The following FMNL2 variants were observed in gnomAD, a reference collection of about 807,000 sequenced individuals.
FMNL2 encodes the protein formin-like protein 2.
FMNL2 carries 51 observed loss-of-function variants against 130.2 expected under a neutral mutation model. The ratio of observed to expected loss-of-function variants is 0.39; its 90% confidence interval spans 0.31 to 0.49. The LOEUF is 0.49. FMNL2 is among the 20% of genes least tolerant of loss of function. FMNL2 has a pLI of 0.85. For missense variants in FMNL2, 977 were observed against 1,316.2 expected (o/e 0.74, Z 3.99); for synonymous variants, 465 against 467.1 (o/e 1.00, Z 0.06).
At chr2:152,568,544 C>T (rs558442723) in intron 6 of FMNL2, among the ~76,000 whole-genome samples, 1 of 152,236 alleles carries the variant, frequency 6.6e-6, no homozygotes, top group South Asian at 2.1e-4. Flanking sequence ...CCTGTTGTCA[C>T]ACTGCTATAA....
chr2:152,533,884 T>A (rs1474368254), intron 2 of FMNL2, among the ~76,000 whole-genome samples: 2 of 152,222 alleles, frequency 1.3e-5, no homozygotes, highest in African/African-American at 4.8e-5. Context: ...GATATATTTT[T>A]AAAATGTTTC....
intron 8 of FMNL2, among the ~76,000 whole-genome samples, chr2:152,579,228 C>T (rs895891968): frequency 2.0e-5 from 3 of 152,158 alleles, no homozygotes; most frequent in African/African-American, 4.8e-5. Context: ...TTTCCAGCAT[C>T]CTTGCTGCTA....
At chr2:152,597,661 C>T (rs1347394382) in intron 9 of FMNL2, among the ~76,000 whole-genome samples, 1 of 152,196 alleles carries the variant, frequency 6.6e-6, no homozygotes, top group African/African-American at 2.4e-5. Flanking sequence ...CCAGTGCCAA[C>T]TGCCAACTCT....
chr2:152,453,582 A>G (rs1164015401), intron 1 of FMNL2, among the ~76,000 whole-genome samples: 2 of 152,204 alleles, frequency 1.3e-5, no homozygotes, highest in Non-Finnish European at 2.9e-5. Context: ...AGGGAGAAAC[A>G]AAAGGAGTTC....
intron 9 of FMNL2, among the ~76,000 whole-genome samples, chr2:152,599,494 CT>C (rs1301239317): frequency 7.9e-6 from 1 of 126,220 alleles, no homozygotes; most frequent in Admixed American, 1.0e-4. Flanking sequence ...ATGAGTCGTC[CT>C]TTGGGGATTT....
intron 1 of FMNL2, among the ~76,000 whole-genome samples, chr2:152,432,085 A>G (rs1451537206): frequency 2.6e-5 from 4 of 151,798 alleles, no homozygotes; most frequent in Admixed American, 6.6e-5. Flanking sequence ...TACACATACA[A>G]TTTTATGAAA....
chr2:152,453,831 A>G (rs1478196581), intron 1 of FMNL2, among the ~76,000 whole-genome samples: 8 of 152,232 alleles, frequency 5.3e-5, no homozygotes, highest in Non-Finnish European at 1.2e-4. Flanking sequence ...TGGAAACAAT[A>G]CATGCCCCAA....
chr2:152,478,813 G>A (rs1277660231), intron 1 of FMNL2, among the ~76,000 whole-genome samples: 2 of 152,008 alleles, frequency 1.3e-5, no homozygotes, highest in Non-Finnish European at 2.9e-5. Flanking sequence ...ACAAAGATGA[G>A]TTTTACTAAA....
intron 2 of FMNL2, among the ~76,000 whole-genome samples, chr2:152,525,345 G>T (rs980853722): frequency 6.6e-6 from 1 of 152,188 alleles, no homozygotes; most frequent in African/African-American, 2.4e-5. Context: ...AAGAATTCAG[G>T]ACATTGGAGA....
chr2:152,427,132 T>G (rs1687241097), intron 1 of FMNL2, among the ~76,000 whole-genome samples: 1 of 152,202 alleles, frequency 6.6e-6, no homozygotes, highest in Non-Finnish European at 1.5e-5. Flanking sequence ...TCATTCTGAT[T>G]AGGTCCCAAA....
chr2:152,384,718 A>G (rs1484091569), intron 1 of FMNL2, among the ~76,000 whole-genome samples: 3 of 152,122 alleles, frequency 2.0e-5, no homozygotes, highest in African/African-American at 7.2e-5. Context: ...GGAAGCTTGT[A>G]TCTGAATTTT....
chr2:152,640,458 G>A (rs922012245), intron 24 of FMNL2, among the ~76,000 whole-genome samples: 1 of 152,194 alleles, frequency 6.6e-6, no homozygotes, highest in African/African-American at 2.4e-5. Flanking sequence ...TCGTTAGTAG[G>A]TAAAGAGCAT....
At chr2:152,353,558 T>C (rs1682622183) in intron 1 of FMNL2, among the ~76,000 whole-genome samples, 1 of 152,210 alleles carries the variant, frequency 6.6e-6, no homozygotes, top group Non-Finnish European at 1.5e-5. Context: ...GTTTATGATC[T>C]TGGACTTTGG....
In FMNL2 at chr2:152,619,109, GC is replaced by G. The variant is rs1451682349; in HGVS notation, c.1583del (p.Pro528LeufsTer21). 1 of 1,602,740 alleles carries G rather than the reference GC, an allele frequency of 6.2e-7. No individual in the cohort carries two copies. The highest frequency in any genetic ancestry group is 8.5e-7 in the Non-Finnish European group (1 of 1,173,042). On this transcript the variant is annotated frameshift_variant, in exon 14 of 26. Coordinates refer to ENST00000288670, the MANE Select transcript of FMNL2 (RefSeq NM_052905.4). LOFTEE classifies it high-confidence loss of function. ...TGGGGGCCGCTTCCTCAGGACCCTT[GC>G]CCCCTCCTCCACCACCACTGCCTCC... ...TMGAASSGPL[P>X]PPPPPLPPSS...
intron 1 of FMNL2, among the ~76,000 whole-genome samples, chr2:152,379,221 A>G (rs903827331): frequency 6.6e-6 from 1 of 152,128 alleles, no homozygotes; most frequent in Non-Finnish European, 1.5e-5. Flanking sequence ...GTCAGAAGCC[A>G]CTTTCCTGCT....
chr2:152,591,552 T>C (rs1275030230), intron 9 of FMNL2, among the ~76,000 whole-genome samples: 3 of 152,208 alleles, frequency 2.0e-5, no homozygotes, highest in Non-Finnish European at 4.4e-5. Flanking sequence ...ATGCCGGTAA[T>C]CCCAGCGCCC....
At chr2:152,611,271 G>A (rs555811950) in intron 10 of FMNL2, among the ~76,000 whole-genome samples, 3 of 152,188 alleles carry the variant, frequency 2.0e-5, no homozygotes, top group African/African-American at 4.8e-5. Context: ...CCCAGGAGGC[G>A]GAGGTTGCAG....
At chr2:152,481,198 C>G (rs367835478) in intron 1 of FMNL2, among the ~76,000 whole-genome samples, 1 of 152,160 alleles carries the variant, frequency 6.6e-6, no homozygotes, top group South Asian at 2.1e-4. Context: ...TTCTTCTAAG[C>G]AGAAGAGTTT....
intron 1 of FMNL2, among the ~76,000 whole-genome samples, chr2:152,477,279 C>T (rs540215049): frequency 6.6e-6 from 1 of 152,322 alleles, no homozygotes; most frequent in African/African-American, 2.4e-5. Flanking sequence ...GCTTACTCAT[C>T]ATTAGCCTTC....
Sources: gnomAD v4.1 joint callset for allele counts (sites outside exome capture counted in the v4.1 genomes callset) on GRCh38, gnomAD v4.1.1 for gene constraint, MANE v1.5 for transcripts, NCBI Gene and HGNC (gene_info 2026-07-23, HGNC 2026-07-21) for gene names.